The following CASK variants were observed in gnomAD, a reference collection of about 807,000 sequenced individuals.
The protein encoded by CASK is peripheral plasma membrane protein CASK.
In CASK, 4 loss-of-function variants were observed where a neutral mutation model predicts 82.9. The ratio of observed to expected loss-of-function variants is 0.05; its 90% CI spans 0.02 to 0.11. The LOEUF (loss-of-function observed/expected upper bound fraction) is 0.11. Ranked by LOEUF, CASK falls within the 10% of genes least tolerant of loss-of-function variation. CASK has a pLI of 1.00. For synonymous variants in CASK, 259 were observed against 253.5 expected, an observed-to-expected ratio of 1.02 and a Z score of -0.20; for missense variants, 358 against 720.9, an observed-to-expected ratio of 0.50 and a Z score of 5.76.
chrX:41,802,395 T>A (rs2070018809), intron 2 of CASK, among the ~76,000 whole-genome samples: 1 of 110,765 alleles, frequency 9.0e-6, no homozygotes. Flanking sequence ...AAAGAAAAGG[T>A]TAGAGATGAA....
intron 1 of CASK, among the ~76,000 whole-genome samples, chrX:41,858,580 C>T (rs189847819): frequency 7.2e-5 from 8 of 111,433 alleles, no homozygotes; most frequent in African/African-American, 2.6e-4. Flanking sequence ...CTGTGAAGAG[C>T]CCCTTGTCTC....
At chrX:41,830,713 A>G (rs370630485) in intron 2 of CASK, among the ~76,000 whole-genome samples, 1,094 of 105,663 alleles carry the variant, frequency 0.01, 2 homozygotes, top group African/African-American at 0.012. Flanking sequence ...CCAGCTACTC[A>G]GGAGGCTGAG....
intron 5 of CASK, chrX:41,696,286 T>C: frequency 8.4e-7 from 1 of 1,191,486 alleles, no homozygotes; most frequent in Non-Finnish European, 1.1e-6. Context: ...GGAGAAGCCA[T>C]TTTTAACTTC....
chrX:41,659,208 C>T (rs1241896610), intron 8 of CASK, among the ~76,000 whole-genome samples: 2 of 109,615 alleles, frequency 1.8e-5, no homozygotes, highest in Non-Finnish European at 3.8e-5. Flanking sequence ...CCACTGACAA[C>T]TTCTGTGACT....
At chrX:41,864,075 C>A (rs1569472004) in intron 1 of CASK, among the ~76,000 whole-genome samples, 2 of 111,523 alleles carry the variant, frequency 1.8e-5, no homozygotes, top group Non-Finnish European at 3.8e-5. Context: ...TTCAGTGATA[C>A]TTCTGTGGAA....
chrX:41,696,685 G>A lies in CASK; in HGVS notation c.430-25155C>T, dbSNP rs776900804. The A allele has an allele frequency of 2.5e-6, 3 of 1,208,721 alleles. No individual in the cohort carries two copies. In the South Asian group the frequency reaches 5.3e-5, roughly 21 times the overall value. On this transcript the variant is annotated intron_variant, in intron 5 of 26. Transcript: ENST00000378163. ...TTTAGACGATTTCAAGGTGAACCAA[G>A]TAGGAGTGAAAGCACTTCAGAATTT...
At chrX:41,573,933 T>C (rs1254945798) in intron 15 of CASK, among the ~76,000 whole-genome samples, 1 of 111,271 alleles carries the variant, frequency 9.0e-6, no homozygotes, top group Non-Finnish European at 1.9e-5. Flanking sequence ...CCCTGAGCGC[T>C]CTACACAATG....
intron 7 of CASK, among the ~76,000 whole-genome samples, chrX:41,662,828 T>C (rs1248923380): frequency 9.1e-6 from 1 of 109,691 alleles, no homozygotes; most frequent in Non-Finnish European, 1.9e-5. Context: ...ATAATTTTTT[T>C]GAAATCTATT....
intron 2 of CASK, among the ~76,000 whole-genome samples, chrX:41,833,144 T>C (rs1167513717): frequency 8.9e-6 from 1 of 111,800 alleles, no homozygotes; most frequent in Non-Finnish European, 1.9e-5. Flanking sequence ...TTATAAATAT[T>C]ATCAAGTAGG....
intron 3 of CASK, among the ~76,000 whole-genome samples, chrX:41,762,673 G>A (rs1363685599): frequency 9.0e-6 from 1 of 111,277 alleles, no homozygotes; most frequent in Admixed American, 9.6e-5. Flanking sequence ...ATTCTCAACT[G>A]GCCTCTATGA....
chrX:41,561,514 A>C (rs769931511), intron 17 of CASK, 45 bp downstream of exon 17: 2 of 910,335 alleles, frequency 2.2e-6, no homozygotes, highest in Non-Finnish European at 3.2e-6. Context: ...CAAGCTAACA[A>C]AGTAAAAGTC....
chrX:41,798,499 A>G (rs1184706936), intron 2 of CASK, among the ~76,000 whole-genome samples: 2 of 112,857 alleles, frequency 1.8e-5, no homozygotes, highest in Admixed American at 1.9e-4. Context: ...CTCATGTTAT[A>G]TATGAATAGA....
intron 5 of CASK, among the ~76,000 whole-genome samples, chrX:41,716,910 T>C (rs1293087804): frequency 9.0e-6 from 1 of 111,680 alleles, no homozygotes; most frequent in East Asian, 2.8e-4. Context: ...TGTTCTTTGT[T>C]CTCAATCTCA....
intron 2 of CASK, among the ~76,000 whole-genome samples, chrX:41,835,484 G>C (rs1055571947): frequency 8.9e-6 from 1 of 112,077 alleles, no homozygotes; most frequent in Admixed American, 9.4e-5. Flanking sequence ...ATGATACTAA[G>C]AAAAATTGAA....
intron 1 of CASK, among the ~76,000 whole-genome samples, chrX:41,854,221 C>CGT (rs1383437489): frequency 4.0e-5 from 3 of 74,499 alleles, no homozygotes; most frequent in Non-Finnish European, 8.4e-5. Flanking sequence ...CGCGCGGGCG[C>CGT]GCGCACACAC....
intron 3 of CASK, among the ~76,000 whole-genome samples, chrX:41,752,358 T>G (rs757789538): frequency 9.1e-6 from 1 of 110,169 alleles, no homozygotes; most frequent in East Asian, 2.9e-4. Flanking sequence ...TGGCATGATC[T>G]TGGCTCACTG....
intron 12 of CASK, among the ~76,000 whole-genome samples, chrX:41,591,599 T>C (rs1197912145): frequency 2.7e-5 from 3 of 111,054 alleles, no homozygotes; most frequent in Non-Finnish European, 5.7e-5. Context: ...CTCAGCCTCC[T>C]GAGTAGCTGG....
At chrX:41,588,071 T>C in intron 13 of CASK, 1 of 111,924 alleles carries the variant, frequency 8.9e-6, no homozygotes, top group Non-Finnish European at 1.9e-5. Flanking sequence ...ATAACTAGAA[T>C]GTTCTGTGCT....
At chrX:41,696,730 A>G (rs2067696504) in intron 5 of CASK, 2 of 1,203,964 alleles carry the variant, frequency 1.7e-6, no homozygotes, top group East Asian at 3.0e-5. Flanking sequence ...TACTCCCTGC[A>G]TGATACATCT....
Sources: allele counts gnomAD v4.1 joint callset (sites outside exome capture counted in the v4.1 genomes callset), GRCh38; gene constraint gnomAD v4.1.1; transcripts MANE v1.5; gene names NCBI Gene and HGNC (gene_info 2026-07-23, HGNC 2026-07-21).